The following BTLA variants were observed in gnomAD, a reference collection of about 807,000 sequenced individuals.
BTLA encodes B and T lymphocyte associated, also known as B- and T-lymphocyte attenuator.
In BTLA, 11 loss-of-function variants were observed where a neutral mutation model predicts 25.0. The ratio of observed to expected loss-of-function variants is 0.44; its 90% confidence interval spans 0.28 to 0.73. The LOEUF (loss-of-function observed/expected upper bound fraction) is 0.73, where lower values mean the gene tolerates loss of function less well. Ranked by LOEUF, BTLA falls within the 30% of genes least tolerant of loss-of-function variation. The pLI, the probability that BTLA is intolerant of heterozygous loss-of-function variation, is 0.15. For synonymous variants in BTLA, 104 were observed against 119.8 expected (o/e 0.87, Z 0.86); for missense variants, 282 against 332.8 (o/e 0.85, Z 1.19).
intron 2 of BTLA, among the ~76,000 whole-genome samples, chr3:112,476,877 A>G (rs2082291281): frequency 6.6e-6 from 1 of 152,142 alleles, no homozygotes. Context: ...GCAACCACCA[A>G]GCTACTTTCT....
chr3:112,492,431 T>C (rs6438081), intron 1 of BTLA, among the ~76,000 whole-genome samples: 3,063 of 152,330 alleles, frequency 0.02, 71 homozygotes, highest in African/African-American at 0.058. Flanking sequence ...CTGTTGACAG[T>C]AGCATCAGTG....
At chr3:112,469,844 A>T in intron 3 of BTLA, 40 bp from the exon 4 acceptor site, 1 of 1,532,106 alleles carries the variant, frequency 6.5e-7, no homozygotes, top group Middle Eastern at 1.7e-4. Context: ...AAAAGGAGTA[A>T]AGAAAGCAGA....
intron 2 of BTLA, 61 bp downstream of exon 2, chr3:112,479,394 C>T (rs2082305610): frequency 1.4e-6 from 2 of 1,469,316 alleles, no homozygotes; most frequent in South Asian, 2.7e-5. Context: ...GAAACTGAAC[C>T]CCCCTCTTCC....
intron 4 of BTLA, 142 bp from the exon 5 acceptor site, chr3:112,466,525 C>G: frequency 6.0e-6 from 4 of 666,580 alleles, no homozygotes; most frequent in South Asian, 7.9e-5. Flanking sequence ...ACTCTGCTGA[C>G]ATCTACACTT....
At chr3:112,484,979 C>T (rs1204875253) in intron 1 of BTLA, among the ~76,000 whole-genome samples, 1 of 152,166 alleles carries the variant, frequency 6.6e-6, no homozygotes, top group Non-Finnish European at 1.5e-5. Flanking sequence ...CTCTCAGAGG[C>T]TAACACTGAT....
chr3:112,466,125 T>C lies in BTLA; in HGVS notation c.853A>G (p.Ile285Val). Residue 285 changes from isoleucine to valine, a missense_variant, in exon 5 of 5, where the codon ATA (isoleucine) becomes GTA (valine). Ile to Val is a conservative substitution (Grantham distance 29). Around this residue, in one of 2 missense-constraint regions of BTLA, gnomAD observed 119 missense variants for 102.3 expected, o/e 1.16. Coordinates refer to ENST00000334529, the MANE Select transcript of BTLA (RefSeq NM_181780.4). The stretch of plus-strand genomic sequence containing the variant: ...AAACAGACTTAACTCCTCACACATA[T>C]GGATGCATATTCTGTTGGTGCTTCT... ...VKEAPTEYAS[I>V]CVRS 5 of 1,602,238 alleles carry C rather than the reference T, an allele frequency of 3.1e-6. No individual in the cohort carries two copies. Among genetic ancestry groups the C allele is most frequent in the Non-Finnish European group, 4.3e-6 (5 of 1,170,678 alleles).
rs34606026 is a variant in BTLA, at chr3:112,498,568, CTTTTTTTTT to C, written c.88+694_88+702del. ...GACTTTACAATAAAAAAGAAATTGC[CTTTTTTTTT>C]TTTTTTTTTTTTTTGCCTGTATAAA... is the stretch of plus-strand genomic sequence containing the variant. On this transcript the variant is annotated intron_variant, in intron 1 of 4. Coordinates refer to ENST00000334529, the MANE Select transcript of BTLA (RefSeq NM_181780.4). 1.6e-4 allele frequency among the ~76,000 whole-genome samples: 13 copies of C among 83,870 alleles called. 2 individuals carry two copies. The South Asian group carries it at 4.8e-3, about 31-fold the overall frequency. 55.0% of individuals were successfully genotyped at this position (83,870 alleles called of 152,430 possible).
At chr3:112,480,970 C>T (rs1171869305) in intron 1 of BTLA, among the ~76,000 whole-genome samples, 1 of 152,204 alleles carries the variant, frequency 6.6e-6, no homozygotes, top group Admixed American at 6.5e-5. Flanking sequence ...AGCAAATTCC[C>T]TCCAACTATG....
At chr3:112,466,503 T>C (rs933444880) in intron 4 of BTLA, 120 bp from the exon 5 acceptor site, 15 of 898,080 alleles carry the variant, frequency 1.7e-5, no homozygotes, top group Non-Finnish European at 2.2e-5. Flanking sequence ...AATAATCTAC[T>C]GTTCCTCACA....
chr3:112,473,259 G>C (rs561773456), intron 2 of BTLA, among the ~76,000 whole-genome samples: 33 of 152,138 alleles, frequency 2.2e-4, no homozygotes, highest in African/African-American at 7.5e-4. Context: ...CACACTACCA[G>C]AGAATCCAAC....
chr3:112,498,771 A>C (rs1415662891), intron 1 of BTLA, among the ~76,000 whole-genome samples: 3 of 152,132 alleles, frequency 2.0e-5, no homozygotes, highest in Non-Finnish European at 4.4e-5. Context: ...CAAGGCATAC[A>C]TCCCAATGAA....
intron 4 of BTLA, among the ~76,000 whole-genome samples, chr3:112,466,844 T>C (rs1246937129): frequency 1.3e-5 from 2 of 152,234 alleles, no homozygotes; most frequent in South Asian, 2.1e-4. Context: ...CAAGATATAT[T>C]ATTATAATTT....
intron 4 of BTLA, among the ~76,000 whole-genome samples, chr3:112,469,529 C>G (rs1320945884): frequency 6.7e-6 from 1 of 149,612 alleles, no homozygotes; most frequent in African/African-American, 2.5e-5. Context: ...CCACTTATTA[C>G]GAGACTTGTT....
At position 112,465,962 on chromosome 3, in the gene BTLA, G is replaced by A; in HGVS notation, c.*146C>T. 1 of 822,922 alleles carries A rather than the reference G, an allele frequency of 1.2e-6. No homozygotes were observed. The highest frequency in any genetic ancestry group is 1.8e-6 in the Non-Finnish European group (1 of 555,982). 51.0% of individuals were successfully genotyped at this position (822,922 alleles called of 1,614,324 possible). The stretch of plus-strand genomic sequence containing the variant: ...GAGAAATTTTAATCATTTATCCTAT[G>A]GACCCTTAAGACCCAAGCACTAACA... On this transcript the variant is annotated 3_prime_UTR_variant, in exon 5 of 5. Transcript: ENST00000334529.
intron 1 of BTLA, among the ~76,000 whole-genome samples, chr3:112,492,910 G>A (rs1490226942): frequency 6.6e-6 from 1 of 152,158 alleles, no homozygotes; most frequent in Admixed American, 6.5e-5. Flanking sequence ...AAAGAGCTCT[G>A]CCAGCTAAAC....
At chr3:112,478,563 CAT>C in intron 2 of BTLA, among the ~76,000 whole-genome samples, 1 of 152,106 alleles carries the variant, frequency 6.6e-6, no homozygotes. Flanking sequence ...AAGTTCATGC[CAT>C]CTGTGAATAA....
intron 1 of BTLA, among the ~76,000 whole-genome samples, chr3:112,484,054 A>G (rs1287755689): frequency 1.3e-5 from 2 of 152,066 alleles, no homozygotes; most frequent in Non-Finnish European, 2.9e-5. Context: ...GAAAGGCTAT[A>G]CTTGAGCTGA....
At position 112,479,544 on chromosome 3, in the gene BTLA, A is replaced by C; in HGVS notation, c.314T>G (p.Val105Gly). The C allele has an allele frequency of 1.9e-6, 3 of 1,614,130 alleles. No homozygotes were observed. The highest frequency in any genetic ancestry group is 1.7e-6 in the Non-Finnish European group (2 of 1,179,946). Reference protein sequence around the residue: ...ISFFILHFEPVLPNDNGSYRC... With the variant: ...ISFFILHFEPGLPNDNGSYRC... ...GTATGACCCATTGTCATTAGGAAGC[A>C]CTGGTTCAAAATGTAGAATGAAAAA... is the stretch of plus-strand genomic sequence containing the variant. The change falls in exon 2 of 5, where the codon GTG becomes GGG. Residue 105 changes from valine (V) to glycine (G), a missense_variant. Val to Gly is a moderately radical substitution (Grantham distance 109). Coordinates refer to ENST00000334529, the MANE Select transcript of BTLA (RefSeq NM_181780.4).
At chr3:112,488,266 C>T (rs558993896) in intron 1 of BTLA, among the ~76,000 whole-genome samples, 5 of 124,578 alleles carry the variant, frequency 4.0e-5, no homozygotes, top group African/African-American at 1.2e-4. Context: ...CTCGCTCTGT[C>T]GCCCAGGCTG....
Sources: allele counts gnomAD v4.1 joint callset (sites outside exome capture counted in the v4.1 genomes callset), GRCh38; gene constraint gnomAD v4.1.1; regional missense constraint gnomAD v4.1.1; transcripts MANE v1.5; gene names NCBI Gene and HGNC (gene_info 2026-07-23, HGNC 2026-07-21).